Variants in ASB3 observed in about 807,000 individuals in gnomAD.
ASB3 encodes ankyrin repeat and SOCS box containing 3, also known as ankyrin repeat and SOCS box protein 3.
A neutral mutation model predicts 54.5 loss-of-function variants in ASB3; 41 were observed. The ratio of observed to expected loss-of-function variants is 0.75; its 90% CI spans 0.59 to 0.98. The LOEUF is 0.98. Among genes scored for constraint, ASB3 ranks in the 50% least tolerant of loss-of-function variants. The pLI, the probability that ASB3 is intolerant of heterozygous loss-of-function variation, is 0.00. For synonymous variants in ASB3, 266 were observed against 221.2 expected (o/e 1.20, Z -1.80); for missense variants, 733 against 620.0 (o/e 1.18, Z -1.94).
At chr2:53,685,279 T>C (rs768582928) in intron 9 of ASB3, among the ~76,000 whole-genome samples, 2 of 152,176 alleles carry the variant, frequency 1.3e-5, no homozygotes, top group East Asian at 1.9e-4. Flanking sequence ...ACAAAGGCAG[T>C]AGAAGAAGAG....
rs374696444 is a variant in ASB3, at chr2:53,686,766, G to T, written c.1369+7118C>A. On this transcript the variant is annotated intron_variant, in intron 9 of 9. Coordinates refer to ENST00000263634, the MANE Select transcript of ASB3 (RefSeq NM_016115.5). ...AGTTTCATTCTTGTTGCCCGGGCTG[G>T]AGTGCAATGGCACAATCTCGGCTCA... Among the ~76,000 whole-genome samples, 4 of 152,102 alleles carry T rather than the reference G, an allele frequency of 2.6e-5. No homozygotes were observed. The East Asian group carries it at 5.8e-4, about 22-fold the overall frequency.
At chr2:53,709,532 T>G (rs1669974449) in intron 7 of ASB3, among the ~76,000 whole-genome samples, 1 of 152,144 alleles carries the variant, frequency 6.6e-6, no homozygotes, top group African/African-American at 2.4e-5. Flanking sequence ...TATAAGATGT[T>G]TAGATGAAGG....
chr2:53,741,571 C>G (rs1249317012), intron 3 of ASB3, among the ~76,000 whole-genome samples: 2 of 152,120 alleles, frequency 1.3e-5, no homozygotes, highest in African/African-American at 4.8e-5. Context: ...CTCTACGGTA[C>G]CTAACTAGAA....
At chr2:53,715,346 C>A (rs76302549) in intron 6 of ASB3, among the ~76,000 whole-genome samples, 2,950 of 152,190 alleles carry the variant, frequency 0.019, 96 homozygotes, top group African/African-American at 0.067. Context: ...AAAAGACAGA[C>A]AGGGCTACTC....
intron 9 of ASB3, among the ~76,000 whole-genome samples, chr2:53,689,413 A>G (rs1330044079): frequency 6.6e-6 from 1 of 152,218 alleles, no homozygotes; most frequent in Non-Finnish European, 1.5e-5. Flanking sequence ...TTCTTGCTAA[A>G]GAAAACAGAA....
chr2:53,684,725 T>C (rs1374426860), intron 9 of ASB3, among the ~76,000 whole-genome samples: 2 of 152,238 alleles, frequency 1.3e-5, no homozygotes, highest in African/African-American at 2.4e-5. Flanking sequence ...AATGCTCTTC[T>C]GTTTTTAAAG....
intron 1 of ASB3, among the ~76,000 whole-genome samples, chr2:53,775,771 C>T (rs1347205260): frequency 2.0e-5 from 3 of 152,152 alleles, no homozygotes; most frequent in Admixed American, 6.5e-5. Context: ...CCACCATGCC[C>T]GGCCTATAAT....
chr2:53,687,292 G>A (rs1668680964), intron 9 of ASB3, among the ~76,000 whole-genome samples: 1 of 152,134 alleles, frequency 6.6e-6, no homozygotes, highest in South Asian at 2.1e-4. Context: ...TCCCAGTCTG[G>A]CTCTTAAATC....
intron 1 of ASB3, among the ~76,000 whole-genome samples, chr2:53,776,562 C>T (rs1674349078): frequency 6.6e-6 from 1 of 152,094 alleles, no homozygotes; most frequent in Non-Finnish European, 1.5e-5. Flanking sequence ...CATCATAGTA[C>T]TCTGGAGTGC....
rs577589136 is a variant in ASB3, at chr2:53,768,009, G to A, written c.-13-2424C>T. On this transcript the variant is annotated intron_variant, in intron 1 of 9. Transcript: ENST00000263634. ...GGCAGGGCAGCACGGACCACCGCGG[G>A]GTCCCCGGCAAGGTGAGGCGCCGGT... 6 of 1,613,560 alleles carry A rather than the reference G, an allele frequency of 3.7e-6. No homozygotes were observed. The South Asian group carries it at 6.6e-5, about 18-fold the overall frequency.
At chr2:53,744,795 T>G (rs1391544943) in intron 3 of ASB3, among the ~76,000 whole-genome samples, 11 of 152,226 alleles carry the variant, frequency 7.2e-5, no homozygotes, top group African/African-American at 2.7e-4. Flanking sequence ...TTTGTTCAAT[T>G]TTAGAATATG....
intron 2 of ASB3, among the ~76,000 whole-genome samples, chr2:53,763,223 G>A (rs1159145315): frequency 6.6e-6 from 1 of 152,182 alleles, no homozygotes; most frequent in Non-Finnish European, 1.5e-5. Flanking sequence ...CCAGGCATTG[G>A]TGGTGTGCAC....
intron 5 of ASB3, among the ~76,000 whole-genome samples, chr2:53,727,038 A>G (rs999058756): frequency 6.6e-6 from 1 of 152,160 alleles, no homozygotes; most frequent in African/African-American, 2.4e-5. Flanking sequence ...AGTCCTCCGG[A>G]AGGTATGATG....
intron 8 of ASB3, among the ~76,000 whole-genome samples, chr2:53,698,874 C>A (rs1323841964): frequency 1.3e-5 from 2 of 152,174 alleles, no homozygotes; most frequent in Non-Finnish European, 2.9e-5. Context: ...CTAGACTGTT[C>A]TTCCAAACTT....
intron 8 of ASB3, among the ~76,000 whole-genome samples, chr2:53,699,923 G>C (rs1226013167): frequency 6.6e-6 from 1 of 152,128 alleles, no homozygotes; most frequent in African/African-American, 2.4e-5. Flanking sequence ...GTTGGCTGAG[G>C]GATAGACAAC....
chr2:53,705,214 T>A (rs555098937), intron 7 of ASB3, among the ~76,000 whole-genome samples: 1 of 152,320 alleles, frequency 6.6e-6, no homozygotes, highest in South Asian at 2.1e-4. Context: ...GCTAAAAATA[T>A]AGCATTTTCC....
chr2:53,757,607 C>T (rs1325958477), intron 2 of ASB3, among the ~76,000 whole-genome samples: 1 of 152,206 alleles, frequency 6.6e-6, no homozygotes, highest in Non-Finnish European at 1.5e-5. Context: ...ACTTCATTTC[C>T]TCTCCCAAGT....
chr2:53,690,238 C>CAAAT (rs1194031888), intron 9 of ASB3, among the ~76,000 whole-genome samples: 5 of 151,732 alleles, frequency 3.3e-5, no homozygotes, highest in East Asian at 3.9e-4. Flanking sequence ...CCTGTCCCCC[C>CAAAT]AAATAAATAA....
rs189567411 is a variant in ASB3, at chr2:53,731,172, C to T, written c.356-1602G>A. ...ATCCCAGCACTTTGGGAGGCTAAGGCGGGTGGACCACGAGTTCAGGAGATC... is the reference window on the plus strand; with the variant it reads ...ATCCCAGCACTTTGGGAGGCTAAGGTGGGTGGACCACGAGTTCAGGAGATC... On this transcript the variant is annotated intron_variant, in intron 3 of 9. Coordinates refer to ENST00000263634, the MANE Select transcript of ASB3 (RefSeq NM_016115.5). Among the ~76,000 whole-genome samples the T allele has an allele frequency of 2.0e-3, 312 of 152,268 alleles. 1 individual carries two copies. Among genetic ancestry groups the T allele is most frequent in the African/African-American group, 7.3e-3 (303 of 41,550 alleles).
Sources: allele counts gnomAD v4.1 joint callset (sites outside exome capture counted in the v4.1 genomes callset), GRCh38; gene constraint gnomAD v4.1.1; transcripts MANE v1.5; gene names NCBI Gene and HGNC (gene_info 2026-07-23, HGNC 2026-07-21).